The following BAIAP2 variants were observed in gnomAD, a reference collection of about 807,000 sequenced individuals.
BAIAP2 encodes the protein BAR/IMD domain containing adaptor protein 2.
In BAIAP2, 18 loss-of-function variants were observed where a neutral mutation model predicts 63.0. That is an observed-to-expected ratio of 0.29 (90% CI 0.20 to 0.42). The LOEUF (loss-of-function observed/expected upper bound fraction) is 0.42. Among genes scored for constraint, BAIAP2 ranks in the 10% least tolerant of loss-of-function variants. The pLI is 1.00. For missense variants in BAIAP2, 610 were observed against 734.3 expected (o/e 0.83, Z 1.96); for synonymous variants, 386 against 307.6 (o/e 1.25, Z -2.67).
chr17:81,050,713 ACACACGCACACAAATGTG>A (rs1255029448), intron 1 of BAIAP2, among the ~76,000 whole-genome samples: 1 of 82,094 alleles, frequency 1.2e-5, no homozygotes, highest in African/African-American at 4.1e-5. Flanking sequence ...AGCTCAGCAC[ACACACGCACACAAATGTG>A]CACATGCACA....
chr17:81,094,339 C>T (rs1402087988), intron 6 of BAIAP2, among the ~76,000 whole-genome samples: 1 of 152,176 alleles, frequency 6.6e-6, no homozygotes, highest in African/African-American at 2.4e-5. Flanking sequence ...CAATACCAAG[C>T]TGTGGGTCTG....
At chr17:81,071,469 A>T (rs1333165126) in intron 3 of BAIAP2, among the ~76,000 whole-genome samples, 2 of 152,220 alleles carry the variant, frequency 1.3e-5, no homozygotes, top group Non-Finnish European at 2.9e-5. Flanking sequence ...GCTACTTCAG[A>T]AGGCTCTGGA....
rs566738657 is a variant in BAIAP2, at chr17:81,046,267, G to A, written c.55-7401G>A. Among the ~76,000 whole-genome samples the A allele has an allele frequency of 1.2e-4, 18 of 152,070 alleles. No individual in the cohort carries two copies. Among genetic ancestry groups the A allele is most frequent in the Admixed American group, 6.5e-4 (10 of 15,280 alleles). On this transcript the variant is annotated intron_variant, in intron 1 of 13. Transcript: ENST00000428708. The surrounding 1 kb of genome is among the most constrained non-coding windows in gnomAD (Gnocchi z 4.5). ...CCCAGAAACTTCCATGCATCCCCTC[G>A]TTTCCTAAATCCGTGTACATGTGTT...
intron 2 of BAIAP2, among the ~76,000 whole-genome samples, chr17:81,057,041 A>C (rs1346961177): frequency 1.3e-5 from 2 of 152,284 alleles, no homozygotes; most frequent in East Asian, 3.8e-4. Context: ...ATTGAAAAGT[A>C]TATAAATAAA....
At chr17:81,037,544 C>T (rs958870931) in intron 1 of BAIAP2, among the ~76,000 whole-genome samples, 16 of 152,230 alleles carry the variant, frequency 1.1e-4, no homozygotes, top group African/African-American at 3.9e-4. Context: ...GAGACATAGT[C>T]AGGAGACCGC....
intron 13 of BAIAP2, among the ~76,000 whole-genome samples, chr17:81,112,332 C>T (rs1029482746): frequency 6.6e-6 from 1 of 152,224 alleles, no homozygotes. Context: ...GTGCTCAGCC[C>T]CAGCACCACT....
intron 3 of BAIAP2, among the ~76,000 whole-genome samples, chr17:81,059,013 C>T (rs1200069374): frequency 6.6e-6 from 1 of 152,192 alleles, no homozygotes; most frequent in Non-Finnish European, 1.5e-5. Flanking sequence ...ACCCCAGGAA[C>T]CCAGCTTTGC....
At chr17:81,055,723 G>T (rs187466975) in intron 2 of BAIAP2, among the ~76,000 whole-genome samples, 1 of 151,932 alleles carries the variant, frequency 6.6e-6, no homozygotes, top group Non-Finnish European at 1.5e-5. Flanking sequence ...CTGCCACCAC[G>T]CCCGGCTAAT....
At chr17:81,037,313 A>T (rs1036919988) in intron 1 of BAIAP2, among the ~76,000 whole-genome samples, 3 of 152,222 alleles carry the variant, frequency 2.0e-5, no homozygotes, top group African/African-American at 7.2e-5. Context: ...TCCACTCTGG[A>T]AAGGCTTTGC....
rs1411784298 is a variant in BAIAP2, at chr17:81,043,876, G to A, written c.54+8568G>A. On this transcript the variant is annotated intron_variant, in intron 1 of 13. Coordinates refer to ENST00000428708, the MANE Select transcript of BAIAP2 (RefSeq NM_001144888.2). ...GGGAGTTCGAGGAGTTCAGGAAGGC[G>A]TTCTCGCCGCGGGGTCTCTGTTTTC... 4.6e-5 allele frequency among the ~76,000 whole-genome samples: 7 copies of A among 152,272 alleles called. No individual in the cohort carries two copies. The East Asian group carries it at 5.8e-4, about 13-fold the overall frequency.
intron 6 of BAIAP2, among the ~76,000 whole-genome samples, chr17:81,093,675 C>A (rs1403256173): frequency 6.6e-6 from 1 of 152,080 alleles, no homozygotes; most frequent in African/African-American, 2.4e-5. Context: ...CCCCAGGATC[C>A]CCCCTCCGGC....
At chr17:81,084,533 C>T (rs1037463676) in intron 3 of BAIAP2, among the ~76,000 whole-genome samples, 3 of 152,152 alleles carry the variant, frequency 2.0e-5, no homozygotes, top group African/African-American at 7.2e-5. Flanking sequence ...CTCACTGTCA[C>T]GCCTGGGGTG....
intron 13 of BAIAP2, among the ~76,000 whole-genome samples, chr17:81,111,535 C>T (rs3935648): frequency 6.6e-6 from 1 of 152,158 alleles, no homozygotes; most frequent in Non-Finnish European, 1.5e-5. Flanking sequence ...ACCCAAGACA[C>T]TGGCTCCATC....
intron 6 of BAIAP2, among the ~76,000 whole-genome samples, chr17:81,093,921 G>A (rs2057225948): frequency 1.3e-5 from 2 of 152,158 alleles, no homozygotes; most frequent in African/African-American, 4.8e-5. Flanking sequence ...AAGGCTGTCT[G>A]TGGACAACCC....
At chr17:81,061,123 CAAA>C (rs567910479) in intron 3 of BAIAP2, among the ~76,000 whole-genome samples, 1 of 151,902 alleles carries the variant, frequency 6.6e-6, no homozygotes, top group Admixed American at 6.6e-5. Context: ...GACTCCGTCT[CAAA>C]AAAAAGTTTA....
chr17:81,057,283 A>T (rs1296810783), intron 2 of BAIAP2: 1 of 152,308 alleles, frequency 6.6e-6, no homozygotes, highest in African/African-American at 2.4e-5. Context: ...GGAGGAGTTC[A>T]GCAGGCCCGG....
chr17:81,108,900 G>A, intron 13 of BAIAP2: 1 of 1,521,870 alleles, frequency 6.6e-7, no homozygotes, highest in Middle Eastern at 2.3e-4. Context: ...CTCGGTGCTG[G>A]CGGACTCGCC....
At chr17:81,076,937 C>T (rs1448277405) in intron 3 of BAIAP2, among the ~76,000 whole-genome samples, 4 of 152,200 alleles carry the variant, frequency 2.6e-5, no homozygotes, top group African/African-American at 9.6e-5. Flanking sequence ...TGGCACTTCA[C>T]TCCAGCCTGG....
intron 10 of BAIAP2, chr17:81,105,122 C>T (rs1326111037): frequency 1.2e-5 from 2 of 168,856 alleles, no homozygotes; most frequent in Admixed American, 1.2e-4. Context: ...TGGCAGGGGT[C>T]TGCCCCATGG....
Sources: allele counts gnomAD v4.1 joint callset (sites outside exome capture counted in the v4.1 genomes callset), GRCh38; gene constraint gnomAD v4.1.1; non-coding constraint Gnocchi (gnomAD v3.1); transcripts MANE v1.5; gene names NCBI Gene and HGNC (gene_info 2026-07-23, HGNC 2026-07-21).